FOCAD: variants seen among roughly 807,000 people sequenced by gnomAD.
The protein encoded by FOCAD is KIAA1797.
In FOCAD, 198 loss-of-function variants were observed where a neutral mutation model predicts 225.6. The observed-to-expected ratio is 0.88, with a 90% CI of 0.78 to 0.99. The LOEUF is 0.99. FOCAD is among the 50% of genes least tolerant of loss of function. The pLI is 0.00. For synonymous variants in FOCAD, 897 were observed against 755.0 expected, an observed-to-expected ratio of 1.19 and a Z score of -3.08; for missense variants, 2,713 against 2,123.6, an observed-to-expected ratio of 1.28 and a Z score of -5.46.
At chr9:20,818,725 T>A (rs1412613376) in intron 11 of FOCAD, among the ~76,000 whole-genome samples, 1 of 152,148 alleles carries the variant, frequency 6.6e-6, no homozygotes, top group Non-Finnish European at 1.5e-5. Context: ...TTCATTGATT[T>A]GTCTTTCTAA....
chr9:20,931,992 A>G lies in FOCAD; in HGVS notation c.3318-1022A>G, dbSNP rs967301738. ...AAAAAGTCTCCTGAATTTAAGTTCC[A>G]TCTAAAATTTATTCAGAAGCTGTGG... is the stretch of plus-strand genomic sequence containing the variant. On this transcript the variant is annotated intron_variant, in intron 27 of 43. Transcript: ENST00000338382. Among the ~76,000 whole-genome samples the G allele has an allele frequency of 7.2e-5, 11 of 151,818 alleles. 1 individual carries two copies. The East Asian group carries it at 1.9e-3, about 27-fold the overall frequency.
Position 20,951,225 on chromosome 9 carries a change from C to T in FOCAD, c.4051+127C>T, listed in dbSNP as rs1030033845. 2.2e-5 allele frequency: 15 copies of T among 695,418 alleles called. 1 individual carries two copies. The highest frequency in any genetic ancestry group is 7.3e-5 in the Admixed American group (3 of 40,840). 43.1% of individuals were successfully genotyped at this position (695,418 alleles called of 1,614,324 possible). On this transcript the variant is annotated intron_variant, in intron 34 of 43. Coordinates refer to ENST00000338382, the MANE Select transcript of FOCAD (RefSeq NM_001375567.1). ...AATGGGTATTACCATCTCTGTTTTA[C>T]GTCAGAGGGAAATGGTGTATGGAAA...
chr9:20,769,929 A>G (rs1818019664), intron 7 of FOCAD, 103 bp from the exon 8 acceptor site: 1 of 1,005,812 alleles, frequency 9.9e-7, no homozygotes, highest in Non-Finnish European at 1.5e-6. Context: ...AAGTCTTTAT[A>G]GGTTTAGAGA....
At position 20,661,027 on chromosome 9, in the gene FOCAD, G is replaced by T. The variant is rs115771479; in HGVS notation, c.-78+2201G>T. ...AAGAGGGGAGGTTTAAGACAGAGAG[G>T]AATAATTTGAGAAGGGATGTTTTAG... On this transcript the variant is annotated intron_variant, in intron 2 of 45. Coordinates refer to the FOCAD transcript ENST00000380249. Among the ~76,000 whole-genome samples, 600 of 152,228 alleles carry T rather than the reference G, an allele frequency of 3.9e-3. 4 individuals carry two copies. The highest frequency in any genetic ancestry group is 0.014 in the African/African-American group (571 of 41,526).
At chr9:20,846,379 C>G (rs747195591) in intron 15 of FOCAD, among the ~76,000 whole-genome samples, 2 of 152,058 alleles carry the variant, frequency 1.3e-5, no homozygotes, top group African/African-American at 2.4e-5. Context: ...TAGATGGAAA[C>G]AGCCAACATC....
Position 20,986,455 on chromosome 9 carries a change from TG to T in FOCAD, c.4897del (p.Ala1633ProfsTer6). The T allele has an allele frequency of 6.2e-7, 1 of 1,610,050 alleles. No homozygotes were observed. Among genetic ancestry groups the T allele is most frequent in the African/African-American group, 1.3e-5 (1 of 74,744 alleles). On this transcript the variant is annotated frameshift_variant, in exon 40 of 44. Coordinates refer to ENST00000338382, the MANE Select transcript of FOCAD (RefSeq NM_001375567.1). LOFTEE classifies it high-confidence loss of function. ...TATACCAGGCACGGATTGTGAGCCATGCCAATACGGGTGAGGACACCCTGGG... is the reference window on the plus strand; with the variant it reads ...TATACCAGGCACGGATTGTGAGCCATCCAATACGGGTGAGGACACCCTGGG... ...SLYQARIVSHANTGVLKRMEW... is the reference protein window; with the variant it reads ...SLYQARIVSHXNTGVLKRMEW...
intron 21 of FOCAD, among the ~76,000 whole-genome samples, chr9:20,904,898 C>T (rs1255267621): frequency 4.6e-5 from 7 of 151,960 alleles, no homozygotes; most frequent in Non-Finnish European, 1.0e-4. Context: ...TTCACCCTAG[C>T]AACATTAACC....
intron 9 of FOCAD, among the ~76,000 whole-genome samples, chr9:20,781,287 A>C (rs2131101785): frequency 6.6e-6 from 1 of 152,326 alleles, no homozygotes; most frequent in South Asian, 2.1e-4. Context: ...GCTGAAGGGC[A>C]GTCCTGCTTC....
intron 5 of FOCAD, among the ~76,000 whole-genome samples, chr9:20,742,603 A>C (rs1474455568): frequency 6.6e-6 from 1 of 152,240 alleles, no homozygotes; most frequent in Non-Finnish European, 1.5e-5. Context: ...GGCACCTTAA[A>C]GTATAAGAAG....
chr9:20,974,995 C>T (rs906898487), intron 35 of FOCAD, among the ~76,000 whole-genome samples: 4 of 152,126 alleles, frequency 2.6e-5, no homozygotes, highest in Admixed American at 6.6e-5. Context: ...ACGCTGATTC[C>T]CCCTTTTTCA....
chr9:20,910,438 G>C (rs1355283470), intron 22 of FOCAD, among the ~76,000 whole-genome samples: 1 of 152,036 alleles, frequency 6.6e-6, no homozygotes, highest in Non-Finnish European at 1.5e-5. Context: ...AGGAACTGCA[G>C]CTTCCAGTAA....
chr9:20,752,009 G>GT (rs1361663536), intron 5 of FOCAD, among the ~76,000 whole-genome samples: 1 of 141,332 alleles, frequency 7.1e-6, no homozygotes, highest in Non-Finnish European at 1.6e-5. Flanking sequence ...GGGGTTGTTT[G>GT]TTTTTTTCTT....
chr9:20,885,904 A>C (rs1288304090), intron 21 of FOCAD, among the ~76,000 whole-genome samples: 2 of 152,236 alleles, frequency 1.3e-5, no homozygotes, highest in East Asian at 3.8e-4. Context: ...AGATTTATAT[A>C]GTTCAGACAT....
rs1488946738 is a variant in FOCAD at position 20,798,481 on chromosome 9, C to A, written c.1455+8873C>A. On this transcript the variant is annotated intron_variant, in intron 11 of 43. Coordinates refer to ENST00000338382, the MANE Select transcript of FOCAD (RefSeq NM_001375567.1). ...GGCTGTGAATGCATCTGGTCCTGGA[C>A]TTTTTTTGGTTGGTAAGCTATTAAT... Among the ~76,000 whole-genome samples the A allele has an allele frequency of 3.9e-5, 6 of 152,112 alleles. No individual in the cohort carries two copies. The East Asian group carries it at 9.7e-4, about 24-fold the overall frequency.
intron 40 of FOCAD, 150 bp from the exon 41 acceptor site, chr9:20,988,182 T>C: frequency 2.1e-6 from 1 of 466,682 alleles, no homozygotes. Context: ...TCACAGGCAG[T>C]CACAAGTCTC....
intron 5 of FOCAD, among the ~76,000 whole-genome samples, chr9:20,751,122 C>G (rs1828499841): frequency 6.6e-6 from 1 of 150,784 alleles, no homozygotes; most frequent in Admixed American, 6.6e-5. Context: ...CAGTTCTTTT[C>G]CCTCACAATT....
intron 18 of FOCAD, among the ~76,000 whole-genome samples, chr9:20,868,672 T>C (rs146800922): frequency 2.0e-5 from 3 of 152,248 alleles, no homozygotes; most frequent in African/African-American, 7.2e-5. Flanking sequence ...AAAGGAAAGC[T>C]ATAAGGCGTA....
At chr9:20,785,261 C>A (rs775375001) in intron 10 of FOCAD, among the ~76,000 whole-genome samples, 4 of 151,990 alleles carry the variant, frequency 2.6e-5, no homozygotes, top group Non-Finnish European at 5.9e-5. Context: ...ATGCGCCCTT[C>A]CCTCATTTAA....
intron 18 of FOCAD, among the ~76,000 whole-genome samples, chr9:20,869,643 C>T (rs1356810606): frequency 6.6e-6 from 1 of 152,022 alleles, no homozygotes; most frequent in African/African-American, 2.4e-5. Flanking sequence ...AATTTGAATA[C>T]CATGTTGATG....
Sources: allele counts gnomAD v4.1 joint callset (sites outside exome capture counted in the v4.1 genomes callset), GRCh38; gene constraint gnomAD v4.1.1; transcripts MANE v1.5; gene names NCBI Gene and HGNC (gene_info 2026-07-23, HGNC 2026-07-21).